COBL: variants seen among roughly 807,000 people sequenced by gnomAD.
The protein encoded by COBL is cordon-bleu WH2 repeat protein.
In COBL, 51 loss-of-function variants were observed where a neutral mutation model predicts 98.8. That is an observed-to-expected ratio of 0.52 (90% CI 0.41 to 0.65). The LOEUF is 0.65. Among genes scored for constraint, COBL ranks in the 30% least tolerant of loss-of-function variants. COBL has a pLI of 0.00. For missense variants in COBL, 1,617 were observed against 1,617.5 expected (o/e 1.00, Z 0.01); for synonymous variants, 634 against 651.7 (o/e 0.97, Z 0.41).
chr7:51,204,672 T>A lies in COBL; in HGVS notation c.246-11083A>T, dbSNP rs182532690. Among the ~76,000 whole-genome samples the A allele has an allele frequency of 1.2e-3, 180 of 151,292 alleles. 1 individual carries two copies. Among genetic ancestry groups the A allele is most frequent in the Non-Finnish European group, 3.7e-4 (25 of 67,904 alleles). ...TTCAAGCAATTCTGCTGCCTCAGCC[T>A]CCCAAGTAGCTAGGACTACAGGTAT... On this transcript the variant is annotated intron_variant, in intron 2 of 12. Transcript: ENST00000265136.
At chr7:51,116,159 CTGGAG>C (rs779630138) in intron 6 of COBL, among the ~76,000 whole-genome samples, 78 of 152,162 alleles carry the variant, frequency 5.1e-4, no homozygotes, top group African/African-American at 1.7e-3. Flanking sequence ...TACCTTTTAA[CTGGAG>C]TGTTTAGTCT....
At chr7:51,045,652 C>T (rs573465571) in intron 7 of COBL, among the ~76,000 whole-genome samples, 2 of 152,320 alleles carry the variant, frequency 1.3e-5, no homozygotes, top group East Asian at 1.9e-4. Context: ...TTGGAGGAGG[C>T]CCTCAGAGCA....
intron 1 of COBL, among the ~76,000 whole-genome samples, chr7:51,234,378 G>T (rs1023541785): frequency 1.3e-5 from 2 of 152,180 alleles, no homozygotes; most frequent in African/African-American, 2.4e-5. Context: ...CATCGGGCTC[G>T]CCCACTTCCC....
intron 1 of COBL, among the ~76,000 whole-genome samples, chr7:51,225,624 G>GTA (rs1268401242): frequency 1.3e-5 from 2 of 152,200 alleles, no homozygotes; most frequent in Non-Finnish European, 2.9e-5. Context: ...AAATGAAAAA[G>GTA]TATATATATG....
At chr7:51,147,476 G>A (rs780484751) in intron 5 of COBL, among the ~76,000 whole-genome samples, 4 of 152,186 alleles carry the variant, frequency 2.6e-5, no homozygotes, top group Non-Finnish European at 5.9e-5. Context: ...TCACCTTACT[G>A]CTGTATCTGG....
At chr7:51,175,529 G>A (rs1237556693) in intron 5 of COBL, among the ~76,000 whole-genome samples, 1 of 152,184 alleles carries the variant, frequency 6.6e-6, no homozygotes, top group Non-Finnish European at 1.5e-5. Flanking sequence ...GCTGAGAACA[G>A]GTTTGATACA....
chr7:51,120,561 T>C (rs776165028), intron 6 of COBL, among the ~76,000 whole-genome samples: 1 of 152,198 alleles, frequency 6.6e-6, no homozygotes, highest in Admixed American at 6.5e-5. Context: ...TACATTCACA[T>C]TGTTGTGCCA....
In COBL at chr7:51,110,341, A is replaced by G. The variant is rs1796712052; in HGVS notation, c.958-25037T>C. On this transcript the variant is annotated intron_variant, in intron 6 of 12. Transcript: ENST00000265136. ...AGATCCACTTTTTTAGCTCCCACGT[A>G]AGAGTGAGAACCTGCATTATTTCTC... is the stretch of plus-strand genomic sequence containing the variant. Among the ~76,000 whole-genome samples the G allele has an allele frequency of 2.0e-5, 3 of 152,254 alleles. No individual in the cohort carries two copies. In the South Asian group the frequency reaches 6.2e-4, roughly 32 times the overall value.
At chr7:51,201,917 T>C (rs1791167586) in intron 2 of COBL, among the ~76,000 whole-genome samples, 1 of 152,184 alleles carries the variant, frequency 6.6e-6, no homozygotes, top group Non-Finnish European at 1.5e-5. Context: ...CTCACAAATT[T>C]AATCAGTGTG....
Position 51,017,574 on chromosome 7 carries a change from G to A in COBL, c.3769-6C>T. The A allele has an allele frequency of 6.2e-7, 1 of 1,613,950 alleles. No homozygotes were observed. The highest frequency in any genetic ancestry group is 8.5e-7 in the Non-Finnish European group (1 of 1,179,818). The stretch of plus-strand genomic sequence containing the variant: ...ATTCACACGAGCAAGGGCACCTGCA[G>A]GGAAGAGAGATTCACAGTTATTTGG... On this transcript the variant is annotated splice_region_variant and splice_polypyrimidine_tract_variant and intron_variant, in intron 12 of 12. Coordinates refer to ENST00000265136, the MANE Select transcript of COBL (RefSeq NM_015198.5).
intron 7 of COBL, among the ~76,000 whole-genome samples, chr7:51,077,078 A>G (rs1182413180): frequency 6.6e-6 from 1 of 152,256 alleles, no homozygotes; most frequent in Non-Finnish European, 1.5e-5. Flanking sequence ...GGTTCAACTG[A>G]AATCAAATGG....
At chr7:51,053,197 T>C (rs1254961642) in intron 7 of COBL, among the ~76,000 whole-genome samples, 3 of 152,210 alleles carry the variant, frequency 2.0e-5, no homozygotes, top group African/African-American at 7.2e-5. Flanking sequence ...TTCTAGACTT[T>C]TCTAATTTGA....
chr7:51,094,088 G>T (rs967089768), intron 6 of COBL, among the ~76,000 whole-genome samples: 6 of 151,846 alleles, frequency 4.0e-5, no homozygotes, highest in Non-Finnish European at 7.4e-5. Context: ...CATCATGGGT[G>T]GAACTGGAGG....
chr7:51,193,544 G>A lies in COBL; in HGVS notation c.291C>T (p.His97=). The change falls in exon 3 of 13, where the codon CAC becomes CAT. Residue 97 remains histidine (H), a synonymous_variant. Coordinates refer to ENST00000265136, the MANE Select transcript of COBL (RefSeq NM_015198.5). ...DLLVELCLQN[H]LNPSHHALEI... is the part of the protein sequence containing the mutation. Reference sequence around the variant, plus strand: ...CAAGGGCATGGTGGGATGGATTCAGGTGGTTCTGAAGGCAAAGTTCAACCA... The same window carrying A: ...CAAGGGCATGGTGGGATGGATTCAGATGGTTCTGAAGGCAAAGTTCAACCA... 6.2e-7 allele frequency: 1 copy of A among 1,614,194 alleles called. No individual in the cohort carries two copies. Among genetic ancestry groups the A allele is most frequent in the Non-Finnish European group, 8.5e-7 (1 of 1,180,030 alleles).
In COBL at chr7:51,025,320, G is replaced by A. The variant is rs1301208765; in HGVS notation, c.3557C>T (p.Ser1186Phe). The A allele has an allele frequency of 1.2e-6, 2 of 1,613,334 alleles. No homozygotes were observed. The highest frequency in any genetic ancestry group is 1.3e-5 in the African/African-American group (1 of 74,918). The stretch of plus-strand genomic sequence containing the variant: ...CAGAGGACTTTCCGAGCCCTGAGCA[G>A]AGAGTGCGGCATCTCGGAAGCTCTG... The part of the protein sequence containing the change: ...ELQSFRDAAL[S>F]AQGSESPLLE... The change falls in exon 12 of 13, where the codon TCT (serine) becomes TTT (phenylalanine). Residue 1186 changes from serine to phenylalanine, a missense_variant. Physicochemically the swap from Ser to Phe is radical, Grantham distance 155. This residue lies in a region of COBL where 1,304 missense variants were observed against 1,282.0 expected (regional missense o/e 1.02). Coordinates refer to ENST00000265136, the MANE Select transcript of COBL (RefSeq NM_015198.5).
intron 1 of COBL, among the ~76,000 whole-genome samples, chr7:51,297,622 A>T (rs1464143268): frequency 6.6e-6 from 1 of 151,930 alleles, no homozygotes; most frequent in Non-Finnish European, 1.5e-5. Flanking sequence ...CGAACTCCTG[A>T]CCTCAGGTGA....
intron 8 of COBL, among the ~76,000 whole-genome samples, chr7:51,036,142 G>A (rs1366922281): frequency 3.3e-5 from 5 of 152,104 alleles, no homozygotes; most frequent in Non-Finnish European, 7.4e-5. Context: ...AGGAGTTTGA[G>A]ACCAGCCTGG....
At chr7:51,127,158 C>A (rs1798290237) in intron 6 of COBL, among the ~76,000 whole-genome samples, 1 of 152,212 alleles carries the variant, frequency 6.6e-6, no homozygotes, top group Non-Finnish European at 1.5e-5. Context: ...TCATATCCGT[C>A]TATCACTACC....
chr7:51,100,764 A>ATGG (rs1026455063), intron 6 of COBL, among the ~76,000 whole-genome samples: 8 of 152,088 alleles, frequency 5.3e-5, no homozygotes, highest in African/African-American at 1.9e-4. Context: ...TTATCAGGGC[A>ATGG]TGGTGGCCCA....
Sources: gnomAD v4.1 joint callset for allele counts (sites outside exome capture counted in the v4.1 genomes callset) on GRCh38, gnomAD v4.1.1 for gene constraint, gnomAD v4.1.1 regional missense constraint, MANE v1.5 for transcripts, NCBI Gene and HGNC (gene_info 2026-07-23, HGNC 2026-07-21) for gene names.